Variants in SYNE1 observed in about 807,000 individuals in gnomAD.
SYNE1 encodes the protein spectrin repeat containing nuclear envelope protein 1, also known as nesprin-1.
SYNE1 carries 616 observed loss-of-function variants against 1,111.0 expected under a neutral mutation model. That is an observed-to-expected ratio of 0.55 (90% CI 0.52 to 0.59). SYNE1 has a LOEUF of 0.59. Ranked by LOEUF, SYNE1 falls within the 20% of genes least tolerant of loss-of-function variation. The pLI, the probability that SYNE1 is intolerant of heterozygous loss-of-function variation, is 0.00. For missense variants in SYNE1, 10,006 were observed against 10,417.0 expected, an observed-to-expected ratio of 0.96 and a Z score of 1.72; for synonymous variants, 3,855 against 3,825.8, an observed-to-expected ratio of 1.01 and a Z score of -0.28.
At position 152,387,138 on chromosome 6, in the gene SYNE1, C is replaced by T. The variant is rs369447040; in HGVS notation, c.8421G>A (p.Glu2807=). The change falls in exon 54 of 146, where the codon GAG becomes GAA. Residue 2807 remains glutamate, a synonymous_variant. Transcript: ENST00000367255. ...CCTCTTGAGCTGTGTCCTTGAAAGA[C>T]TCATCCTCTGTCTTTTCGTAGAGCT... ...SRELYEKTED[E]SFKDTAQEEL... 16 of 1,614,060 alleles carry T rather than the reference C, an allele frequency of 9.9e-6. 1 individual carries two copies. The Middle Eastern group carries it at 6.6e-4, about 66-fold the overall frequency.
chr6:152,239,696 T>C lies in SYNE1; in HGVS notation c.19904A>G (p.Gln6635Arg). 6.2e-7 allele frequency: 1 copy of C among 1,614,204 alleles called. No individual in the cohort carries two copies. Among genetic ancestry groups the C allele is most frequent in the Non-Finnish European group, 8.5e-7 (1 of 1,180,024 alleles). Residue 6635 changes from glutamine to arginine, a missense_variant, in exon 108 of 146, where the codon CAG (glutamine) becomes CGG (arginine). Coordinates refer to ENST00000367255, the MANE Select transcript of SYNE1 (RefSeq NM_182961.4). ...CAAGATCATATGAGATTCCAGGCCC[T>C]GAAAGTATTCCTGCAATTTTTCAGG... ...QLLDKHKEYFQGLESHMILTE... is the reference protein window; with the variant it reads ...QLLDKHKEYFRGLESHMILTE...
intron 16 of SYNE1, among the ~76,000 whole-genome samples, chr6:152,470,234 TC>T (rs1564273758): frequency 6.6e-6 from 1 of 152,206 alleles, no homozygotes; most frequent in African/African-American, 2.4e-5. Flanking sequence ...ATTATTAATA[TC>T]ATTGTGTTGG....
chr6:152,448,766 CAGG>C (rs1260320818), intron 28 of SYNE1, among the ~76,000 whole-genome samples: 1 of 152,074 alleles, frequency 6.6e-6, no homozygotes, highest in Non-Finnish European at 1.5e-5. Context: ...TGCTTAAGCC[CAGG>C]AGGTCGAGGC....
At chr6:152,506,749 A>G (rs1365094421) in intron 8 of SYNE1, among the ~76,000 whole-genome samples, 2 of 152,092 alleles carry the variant, frequency 1.3e-5, no homozygotes, top group Non-Finnish European at 2.9e-5. Context: ...AAAATCAATA[A>G]GAATACAAAC....
In SYNE1 at chr6:152,321,403, T is replaced by C. The variant is rs199552771; in HGVS notation, c.16084-13A>G. On this transcript the variant is annotated splice_polypyrimidine_tract_variant and intron_variant, in intron 83 of 145. Coordinates refer to ENST00000367255, the MANE Select transcript of SYNE1 (RefSeq NM_182961.4). ...CTGTTAGGAGAATCTGAAGAAAAGATCAAAATAAGAAATTTCTGGGAACCT... is the reference window on the plus strand; with the variant it reads ...CTGTTAGGAGAATCTGAAGAAAAGACCAAAATAAGAAATTTCTGGGAACCT... 8 of 1,613,020 alleles carry C rather than the reference T, an allele frequency of 5.0e-6. No individual in the cohort carries two copies. Among genetic ancestry groups the C allele is most frequent in the Non-Finnish European group, 6.8e-6 (8 of 1,179,786 alleles).
rs747635401 is a variant in SYNE1 at position 152,122,551 on chromosome 6, C to T, written c.26279G>A (p.Gly8760Glu). Residue 8760 changes from glycine to glutamate, a missense_variant, in exon 146 of 146, where the codon GGG (glycine) becomes GAG (glutamate). Gly to Glu is a moderately conservative substitution (Grantham distance 98, BLOSUM62 -2). This residue lies in a region of SYNE1 where 761 missense variants were observed against 795.5 expected (regional missense o/e 0.96). Coordinates refer to ENST00000367255, the MANE Select transcript of SYNE1 (RefSeq NM_182961.4). ...PLQLLLLLLI[G>E]LACLVPMSEE... ...TGACATTGGTACAAGGCAGGCAAGC[C>T]CGATGAGGAGGAGCAGGAGAAGCTG... The T allele has an allele frequency of 5.1e-5, 82 of 1,614,016 alleles. No individual in the cohort carries two copies. The highest frequency in any genetic ancestry group is 6.8e-5 in the Non-Finnish European group (80 of 1,180,022).
intron 105 of SYNE1, among the ~76,000 whole-genome samples, chr6:152,248,885 T>C (rs932477743): frequency 1.3e-5 from 2 of 152,104 alleles, no homozygotes; most frequent in Non-Finnish European, 2.9e-5. Context: ...GTCATTGAGG[T>C]TCATATCTAA....
intron 3 of SYNE1, among the ~76,000 whole-genome samples, chr6:152,551,597 T>C (rs1170996713): frequency 6.6e-6 from 1 of 152,114 alleles, no homozygotes; most frequent in African/African-American, 2.4e-5. Flanking sequence ...CAAAGAAAAG[T>C]TCAGAACAGT....
chr6:152,380,990 C>T lies in SYNE1; in HGVS notation c.9009+16G>A, dbSNP rs758204231. ...TTAAAGCATAACCACCAATAGAAAA[C>T]AGGAAGCCAACTTACTTGTCCTTTG... On this transcript the variant is annotated intron_variant, in intron 56 of 145. Coordinates refer to ENST00000367255, the MANE Select transcript of SYNE1 (RefSeq NM_182961.4). The T allele has an allele frequency of 8.1e-6, 13 of 1,611,844 alleles. No homozygotes were observed. The East Asian group carries it at 2.9e-4, about 36-fold the overall frequency.
At chr6:152,190,300 A>G (rs1406266487) in intron 127 of SYNE1, among the ~76,000 whole-genome samples, 1 of 152,114 alleles carries the variant, frequency 6.6e-6, no homozygotes, top group Non-Finnish European at 1.5e-5. Context: ...TGATGTTTCC[A>G]CCTCATCTGG....
At chr6:152,202,691 T>C (rs2153374678) in intron 126 of SYNE1, among the ~76,000 whole-genome samples, 1 of 152,266 alleles carries the variant, frequency 6.6e-6, no homozygotes, top group South Asian at 2.1e-4. Flanking sequence ...GGTAGGACTA[T>C]AATCTCAGTA....
rs2095872358 is a variant in SYNE1, at chr6:152,321,707, A to G, written c.16083+14T>C. On this transcript the variant is annotated intron_variant, in intron 83 of 145. Coordinates refer to ENST00000367255, the MANE Select transcript of SYNE1 (RefSeq NM_182961.4). ...GAAATGATGGGTAAAGAGAATGAGG[A>G]GACTTTTTTGTACCTGAAGTTCTTC... The G allele has an allele frequency of 1.2e-6, 2 of 1,613,902 alleles. No homozygotes were observed. The highest frequency in any genetic ancestry group is 2.7e-5 in the African/African-American group (2 of 74,940).
At chr6:152,549,422 C>T (rs899052303) in intron 3 of SYNE1, among the ~76,000 whole-genome samples, 1 of 152,198 alleles carries the variant, frequency 6.6e-6, no homozygotes, top group African/African-American at 2.4e-5. Flanking sequence ...CAAAGGCTAA[C>T]TGAAATAAAG....
intron 4 of SYNE1, among the ~76,000 whole-genome samples, chr6:152,528,599 T>C (rs1286628440): frequency 6.6e-6 from 1 of 152,190 alleles, no homozygotes; most frequent in Non-Finnish European, 1.5e-5. Context: ...ACTTGGGTCA[T>C]AGTGCTGAAG....
intron 137 of SYNE1, 78 bp from the exon 138 acceptor site, chr6:152,143,843 C>T (rs2058967450): frequency 1.2e-6 from 2 of 1,602,710 alleles, no homozygotes; most frequent in East Asian, 4.5e-5. Context: ...GGAGAAGTTT[C>T]AGAAATGATT....
At chr6:152,353,166 T>C (rs1475291928) in intron 69 of SYNE1, 97 bp downstream of exon 69, 8 of 1,478,516 alleles carry the variant, frequency 5.4e-6, no homozygotes, top group Admixed American at 1.7e-5. Flanking sequence ...ATCATAATGG[T>C]TGGGATGATC....
chr6:152,282,111 T>C, intron 96 of SYNE1, 131 bp from the exon 97 acceptor site: 1 of 911,802 alleles, frequency 1.1e-6, no homozygotes, highest in African/African-American at 1.6e-5. Flanking sequence ...AAATTTCCTT[T>C]GCTTAGGCCA....
intron 4 of SYNE1, among the ~76,000 whole-genome samples, chr6:152,536,398 AT>A (rs1375465559): frequency 7.0e-5 from 9 of 129,378 alleles, no homozygotes; most frequent in Admixed American, 2.5e-4. Context: ...ATTTATATAT[AT>A]ACTATATATA....
Position 152,293,982 on chromosome 6 carries a change from G to C in SYNE1, c.17828C>G (p.Ser5943Cys), listed in dbSNP as rs777669169. Residue 5943 changes from serine to cysteine, a missense_variant, in exon 94 of 146, where the codon TCT becomes TGT. Transcript: ENST00000367255. ...ATAKLGDLQR[S>C]WETLKNVISE... is the part of the protein sequence containing the mutation. ...TACCACATTCTTTAAGGTTTCCCAAGAACGCTGCAAATCACCCAGTTTGGC... is the reference window on the plus strand; with the variant it reads ...TACCACATTCTTTAAGGTTTCCCAACAACGCTGCAAATCACCCAGTTTGGC... 3.1e-6 allele frequency: 5 copies of C among 1,614,034 alleles called. No individual in the cohort carries two copies. The highest frequency in any genetic ancestry group is 1.7e-6 in the Non-Finnish European group (2 of 1,179,992).
Sources: allele counts gnomAD v4.1 joint callset (sites outside exome capture counted in the v4.1 genomes callset), GRCh38; gene constraint gnomAD v4.1.1; regional missense constraint gnomAD v4.1.1; transcripts MANE v1.5; gene names NCBI Gene and HGNC (gene_info 2026-07-23, HGNC 2026-07-21).